The following SERPINB5 variants were observed in gnomAD, a reference collection of about 807,000 sequenced individuals.
SERPINB5 encodes the protein serpin family B member 5.
In SERPINB5, 27 loss-of-function variants were observed where a neutral mutation model predicts 32.2. That is an observed-to-expected ratio of 0.84 (90% CI 0.62 to 1.16). SERPINB5 has a LOEUF of 1.16. Among genes scored for constraint, SERPINB5 ranks in the 50% most tolerant of loss-of-function variants. SERPINB5 has a pLI of 0.00. For synonymous variants in SERPINB5, 154 were observed against 157.4 expected (o/e 0.98, Z 0.16); for missense variants, 388 against 436.3 (o/e 0.89, Z 0.99).
chr18:63,487,093 TTAAAG>T lies in SERPINB5; in HGVS notation c.306+11_306+15del. On this transcript the variant is annotated intron_variant, in intron 3 of 6. Transcript: ENST00000382771. ...TCTGAATCTTTCTACAGTAAGTTGT[TTAAAG>T]CAAGTAGCAAGACTTAACTTTTTAC... 6.2e-7 allele frequency: 1 copy of T among 1,612,168 alleles called. No homozygotes were observed. The highest frequency in any genetic ancestry group is 1.1e-5 in the South Asian group (1 of 90,854).
intron 2 of SERPINB5, 82 bp from the exon 3 acceptor site, chr18:63,486,864 G>A (rs1917221767): frequency 1.1e-5 from 16 of 1,449,488 alleles, no homozygotes; most frequent in East Asian, 4.6e-5. Flanking sequence ...GCCCAAGGAC[G>A]TTGGTCATTA....
At chr18:63,493,234 C>A in intron 5 of SERPINB5, 139 bp downstream of exon 5, 2 of 1,073,836 alleles carry the variant, frequency 1.9e-6, no homozygotes, top group East Asian at 2.5e-5. Context: ...AGATGAACAG[C>A]TGGAAGGTAA....
rs1909506169 is a variant in SERPINB5 at position 63,498,855 on chromosome 18, A to AT, written c.568-265_568-264insT. On this transcript the variant is annotated intron_variant, in intron 5 of 6. Transcript: ENST00000382771. This position sits in a 1 kb window ranked among gnomAD's most constrained non-coding sequence, Gnocchi z 4.2. Reference sequence around the variant, plus strand: ...GTATATATATATAGTATGTATATATAAGTGTGTATATATAGGTGTGTGTAT... The same window carrying AT: ...GTATATATATATAGTATGTATATATATAGTGTGTATATATAGGTGTGTGTAT... Among the ~76,000 whole-genome samples the AT allele has an allele frequency of 6.0e-5, 6 of 99,490 alleles. No individual in the cohort carries two copies. The South Asian group carries it at 1.3e-3, about 22-fold the overall frequency. 65.3% of individuals were successfully genotyped at this position (99,490 alleles called of 152,430 possible). A position where few individuals can be genotyped will look rare whatever the true frequency, so the allele number is the denominator to read the frequency against.
chr18:63,481,479 TG>T (rs1428526313), intron 1 of SERPINB5, among the ~76,000 whole-genome samples: 2 of 152,264 alleles, frequency 1.3e-5, no homozygotes, highest in Non-Finnish European at 2.9e-5. Context: ...TACTTGTGTT[TG>T]TTAAAGCAGT....
intron 2 of SERPINB5, among the ~76,000 whole-genome samples, chr18:63,485,148 T>C (rs1223420784): frequency 1.3e-5 from 2 of 152,202 alleles, no homozygotes; most frequent in Non-Finnish European, 2.9e-5. Context: ...TTCTGACTTA[T>C]AATATTTTCA....
At position 63,489,542 on chromosome 18, in the gene SERPINB5, A is replaced by AT. The variant is rs139417953; in HGVS notation, c.424+79dup. The AT allele has an allele frequency of 0.012, 9,583 of 807,850 alleles. 658 individuals carry two copies. The African/African-American group carries it at 0.15, about 13-fold the overall frequency. 50.0% of individuals were successfully genotyped at this position (807,850 alleles called of 1,614,324 possible). A position where few individuals can be genotyped will look rare whatever the true frequency, so the allele number is the denominator to read the frequency against. Reference sequence around the variant, plus strand: ...CATCTCATAAATGTTTGCTCCAAGGATAAAAAAAACATCTGGAGGATTCTC... The same window carrying AT: ...CATCTCATAAATGTTTGCTCCAAGGATTAAAAAAAACATCTGGAGGATTCTC... On this transcript the variant is annotated intron_variant, in intron 4 of 6. Coordinates refer to ENST00000382771, the MANE Select transcript of SERPINB5 (RefSeq NM_002639.5).
In SERPINB5 at chr18:63,498,856, A is replaced by ATAGTATATATATATAAGT. The variant is rs1909506298; in HGVS notation, c.568-264_568-263insTAGTATATATATATAAGT. 4.0e-5 allele frequency among the ~76,000 whole-genome samples: 6 copies of ATAGTATATATATATAAGT among 149,492 alleles called. No homozygotes were observed. In the South Asian group the frequency reaches 1.0e-3, roughly 26 times the overall value. On this transcript the variant is annotated intron_variant, in intron 5 of 6. Coordinates refer to ENST00000382771, the MANE Select transcript of SERPINB5 (RefSeq NM_002639.5). The surrounding 1 kb of genome is among the most constrained non-coding windows in gnomAD (Gnocchi z 4.2). ...TATATATATATAGTATGTATATATA[A>ATAGTATATATATATAAGT]GTGTGTATATATAGGTGTGTGTATA...
intron 1 of SERPINB5, among the ~76,000 whole-genome samples, chr18:63,478,213 T>C (rs6567353): frequency 0.73 from 110,438 of 152,042 alleles, 41,224 homozygotes; most frequent in African/African-American, 0.91. Flanking sequence ...CTCTGGGTTG[T>C]GGATTGACTT....
rs184315362 is a variant in SERPINB5, at chr18:63,498,793, A to G, written c.568-327A>G. Among the ~76,000 whole-genome samples, 8 of 151,262 alleles carry G rather than the reference A, an allele frequency of 5.3e-5. No individual in the cohort carries two copies. The East Asian group carries it at 9.7e-4, about 18-fold the overall frequency. On this transcript the variant is annotated intron_variant, in intron 5 of 6. Transcript: ENST00000382771. This position sits in a 1 kb window ranked among gnomAD's most constrained non-coding sequence, Gnocchi z 4.2. The stretch of plus-strand genomic sequence containing the variant: ...TATATATTTATGTGTTTGCCTATAT[A>G]TGTGTATATATGTGCATGTGTGTAT...
intron 2 of SERPINB5, 116 bp downstream of exon 2, chr18:63,484,712 G>T: frequency 9.3e-6 from 4 of 432,050 alleles, no homozygotes; most frequent in Non-Finnish European, 1.6e-5. Flanking sequence ...TCAAGATTCA[G>T]AACTGTGCCA....
chr18:63,503,417 A>G lies in SERPINB5; in HGVS notation c.823A>G (p.Lys275Glu), dbSNP rs201595465. The G allele has an allele frequency of 3.8e-5, 62 of 1,614,088 alleles. No homozygotes were observed. The highest frequency in any genetic ancestry group is 4.8e-5 in the Non-Finnish European group (57 of 1,180,040). ...ANAKVKLSIP[K>E]FKVEKMIDPK... Reference sequence around the variant, plus strand: ...TGCCAAGGTCAAACTCTCCATTCCAAAATTTAAGGTGGAAAAGATGATTGA... The same window carrying G: ...TGCCAAGGTCAAACTCTCCATTCCAGAATTTAAGGTGGAAAAGATGATTGA... The change falls in exon 7 of 7, where the codon AAA becomes GAA. Residue 275 changes from lysine to glutamate, a missense_variant. Physicochemically the swap from Lys to Glu is moderately conservative, Grantham distance 56 (BLOSUM62 1). Transcript: ENST00000382771.
At chr18:63,503,162 C>A (rs1909604357) in intron 6 of SERPINB5, among the ~76,000 whole-genome samples, 168 bp from the exon 7 acceptor site, 1 of 152,166 alleles carries the variant, frequency 6.6e-6, no homozygotes, top group Non-Finnish European at 1.5e-5. Flanking sequence ...AGCTGGGTGG[C>A]TGCTGGGTCT....
chr18:63,489,442 C>T lies in SERPINB5; in HGVS notation c.402C>T (p.Asn134=), dbSNP rs779682702. Reference sequence around the variant, plus strand: ...AAGAAACGAAAGGTCAGATCAACAACTCAATTAAGGATCTCACAGATGGCA... The same window carrying T: ...AAGAAACGAAAGGTCAGATCAACAATTCAATTAAGGATCTCACAGATGGCA... ...KLEETKGQIN[N]SIKDLTDGHF... The change falls in exon 4 of 7, where the codon AAC becomes AAT. Residue 134 remains asparagine (N), a synonymous_variant. Transcript: ENST00000382771. 1.2e-6 allele frequency: 2 copies of T among 1,609,912 alleles called. No homozygotes were observed. The highest frequency in any genetic ancestry group is 1.7e-6 in the Non-Finnish European group (2 of 1,177,006).
At chr18:63,496,222 G>A (rs978535634) in intron 5 of SERPINB5, among the ~76,000 whole-genome samples, 1 of 152,146 alleles carries the variant, frequency 6.6e-6, no homozygotes, top group African/African-American at 2.4e-5. Context: ...CCACAACTAT[G>A]TGCACATTCA....
chr18:63,497,095 C>T (rs1270738528), intron 5 of SERPINB5: 2 of 600,284 alleles, frequency 3.3e-6, no homozygotes, highest in Non-Finnish European at 6.4e-6. Context: ...CCAGAGCATT[C>T]ATCTAAACAG....
Position 63,503,448 on chromosome 18 carries a change from A to C in SERPINB5, c.854A>C (p.Lys285Thr). The change falls in exon 7 of 7, where the codon AAG becomes ACG. Residue 285 changes from lysine to threonine, a missense_variant. Transcript: ENST00000382771. ...KFKVEKMIDP[K>T]ACLENLGLKH... ...AAGGTGGAAAAGATGATTGATCCCAAGGCTTGTCTGGAAAATCTAGGGCTG... is the reference window on the plus strand; with the variant it reads ...AAGGTGGAAAAGATGATTGATCCCACGGCTTGTCTGGAAAATCTAGGGCTG... 1 of 1,614,240 alleles carries C rather than the reference A, an allele frequency of 6.2e-7. No homozygotes were observed. Among genetic ancestry groups the C allele is most frequent in the Non-Finnish European group, 8.5e-7 (1 of 1,180,046 alleles).
rs1205278255 is a variant in SERPINB5 at position 63,503,768 on chromosome 18, C to T, written c.*46C>T. ...TCCTCCCTGACTTTTCTGTGGATGC[C>T]GATTTCTGTAAACTCTGCATCCAGA... On this transcript the variant is annotated 3_prime_UTR_variant, in exon 7 of 7. Coordinates refer to ENST00000382771, the MANE Select transcript of SERPINB5 (RefSeq NM_002639.5). 20 of 1,565,274 alleles carry T rather than the reference C, an allele frequency of 1.3e-5. No homozygotes were observed. Among genetic ancestry groups the T allele is most frequent in the Admixed American group, 1.1e-4 (6 of 54,536 alleles).
chr18:63,503,557 A>C lies in SERPINB5; in HGVS notation c.963A>C (p.Lys321Asn). 6.2e-7 allele frequency: 1 copy of C among 1,614,234 alleles called. No homozygotes were observed. Among genetic ancestry groups the C allele is most frequent in the Non-Finnish European group, 8.5e-7 (1 of 1,180,036 alleles). Reference sequence around the variant, plus strand: ...TGGCCCTATCAAATGTTATCCACAAAGTGTGCTTAGAAATAACTGAAGATG... The same window carrying C: ...TGGCCCTATCAAATGTTATCCACAACGTGTGCTTAGAAATAACTGAAGATG... ...KGVALSNVIH[K>N]VCLEITEDGG... Residue 321 changes from lysine (K) to asparagine (N), a missense_variant, in exon 7 of 7, where the codon AAA (lysine) becomes AAC (asparagine). Coordinates refer to ENST00000382771, the MANE Select transcript of SERPINB5 (RefSeq NM_002639.5).
intron 2 of SERPINB5, 145 bp downstream of exon 2, chr18:63,484,741 CTT>C (rs869236018): frequency 0.021 from 2,266 of 107,784 alleles, 1 homozygote; most frequent in Middle Eastern, 0.056. Context: ...CTCTCTTAAT[CTT>C]TTTTTTTTTT....
Sources: gnomAD v4.1 joint callset for allele counts (sites outside exome capture counted in the v4.1 genomes callset) on GRCh38, gnomAD v4.1.1 for gene constraint, Gnocchi (gnomAD v3.1) non-coding constraint, MANE v1.5 for transcripts, NCBI Gene and HGNC (gene_info 2026-07-23, HGNC 2026-07-21) for gene names.